The following MECOM variants were observed in gnomAD, a reference collection of about 807,000 sequenced individuals.
The protein encoded by MECOM is MDS1 and EVI1 complex locus, also known as histone-lysine N-methyltransferase MECOM.
In MECOM, 13 loss-of-function variants were observed where a neutral mutation model predicts 116.3. That is an observed-to-expected ratio of 0.11 (90% CI 0.07 to 0.18). The LOEUF (loss-of-function observed/expected upper bound fraction) is 0.18, where lower values mean the gene tolerates loss of function less well. MECOM is among the 10% of genes least tolerant of loss of function. The pLI is 1.00. For synonymous variants in MECOM, 528 were observed against 535.2 expected (o/e 0.99, Z 0.19); for missense variants, 1,299 against 1,509.0 (o/e 0.86, Z 2.31).
chr3:169,331,197 G>A (rs184124336), intron 2 of MECOM, among the ~76,000 whole-genome samples: 163 of 151,514 alleles, frequency 1.1e-3, no homozygotes, highest in Middle Eastern at 3.4e-3. Flanking sequence ...AGAAAACTGA[G>A]GCTTACAAAA....
At chr3:169,562,139 C>CAAAAAAAAAA (rs10714325) in intron 1 of MECOM, among the ~76,000 whole-genome samples, 3 of 25,290 alleles carry the variant, frequency 1.2e-4, no homozygotes, top group Admixed American at 6.3e-4. Context: ...GAGCAATACT[C>CAAAAAAAAAA]AAAAAAAAAA....
intron 1 of MECOM, among the ~76,000 whole-genome samples, chr3:169,585,406 TAA>T (rs770925572): frequency 3.4e-4 from 52 of 152,328 alleles, no homozygotes; most frequent in Non-Finnish European, 7.2e-4. Context: ...TCTATAAAAA[TAA>T]AAGTTTGTGG....
chr3:169,382,481 A>T (rs1252946088), intron 1 of MECOM, among the ~76,000 whole-genome samples: 1 of 151,986 alleles, frequency 6.6e-6, no homozygotes, highest in African/African-American at 2.4e-5. Flanking sequence ...AGACCTTAAG[A>T]CCTCTATGAA....
chr3:169,395,684 T>C (rs149044296), intron 1 of MECOM, among the ~76,000 whole-genome samples: 25 of 152,226 alleles, frequency 1.6e-4, no homozygotes, highest in African/African-American at 5.3e-4. Context: ...TCCATATTTA[T>C]GTCCTTTTCT....
chr3:169,540,899 A>C (rs1294247222), intron 1 of MECOM, among the ~76,000 whole-genome samples: 2 of 152,174 alleles, frequency 1.3e-5, no homozygotes, highest in Non-Finnish European at 2.9e-5. Flanking sequence ...AGAATTAGGC[A>C]CACTCCTTGG....
intron 1 of MECOM, among the ~76,000 whole-genome samples, chr3:169,473,860 G>A (rs564442810): frequency 6.6e-6 from 1 of 152,028 alleles, no homozygotes; most frequent in African/African-American, 2.4e-5. Flanking sequence ...AAAAGAGAAG[G>A]AAGAATAAAT....
At chr3:169,257,222 A>G (rs1416060319) in intron 2 of MECOM, among the ~76,000 whole-genome samples, 1 of 152,250 alleles carries the variant, frequency 6.6e-6, no homozygotes, top group Non-Finnish European at 1.5e-5. Flanking sequence ...AATATACATT[A>G]TAAGCACCAA....
At chr3:169,432,955 G>A (rs750950029) in intron 1 of MECOM, among the ~76,000 whole-genome samples, 2 of 152,116 alleles carry the variant, frequency 1.3e-5, no homozygotes, top group African/African-American at 4.8e-5. Context: ...ACTTCTCTGG[G>A]CAAAAAGCTC....
At chr3:169,225,823 T>C (rs899245928) in intron 2 of MECOM, among the ~76,000 whole-genome samples, 1 of 152,208 alleles carries the variant, frequency 6.6e-6, no homozygotes, top group Non-Finnish European at 1.5e-5. Context: ...TTGACCAGGC[T>C]GGTCTCGAAA....
intron 2 of MECOM, among the ~76,000 whole-genome samples, chr3:169,241,526 G>A (rs1216794994): frequency 6.6e-6 from 1 of 152,112 alleles, no homozygotes; most frequent in African/African-American, 2.4e-5. Flanking sequence ...AAGCTAGGGG[G>A]AAACATTCCT....
intron 1 of MECOM, among the ~76,000 whole-genome samples, chr3:169,602,494 G>A (rs535638078): frequency 3.9e-5 from 6 of 152,110 alleles, no homozygotes; most frequent in Non-Finnish European, 7.4e-5. Context: ...TGGCCCAGGC[G>A]ATTCTTTGTT....
rs535539553 is a variant in MECOM at position 169,557,780 on chromosome 3, A to G, written c.37+105556T>C. 1.6e-3 allele frequency among the ~76,000 whole-genome samples: 250 copies of G among 152,338 alleles called. 1 individual carries two copies. Among genetic ancestry groups the G allele is most frequent in the African/African-American group, 5.7e-3 (235 of 41,580 alleles). On this transcript the variant is annotated intron_variant, in intron 1 of 16. Transcript: ENST00000651503. Reference sequence around the variant, plus strand: ...AGGCAAGAAACACACTTTTTCTTCAACCTAGTTGGTTGGACCAAATGTTTA... The same window carrying G: ...AGGCAAGAAACACACTTTTTCTTCAGCCTAGTTGGTTGGACCAAATGTTTA...
intron 3 of MECOM, among the ~76,000 whole-genome samples, chr3:169,143,433 TCA>T (rs1738732015): frequency 6.6e-6 from 1 of 152,122 alleles, no homozygotes; most frequent in Non-Finnish European, 1.5e-5. Flanking sequence ...GTAATAATAC[TCA>T]GTTTTTAAAT....
chr3:169,250,300 C>T (rs926631874), intron 2 of MECOM, among the ~76,000 whole-genome samples: 6 of 152,106 alleles, frequency 3.9e-5, no homozygotes, highest in Non-Finnish European at 8.8e-5. Context: ...TTTTTTTGTT[C>T]GCATTGAACA....
intron 1 of MECOM, among the ~76,000 whole-genome samples, chr3:169,441,495 A>G (rs1162804695): frequency 2.6e-5 from 4 of 152,244 alleles, no homozygotes; most frequent in Middle Eastern, 3.4e-3. Context: ...ATCAAAAAAT[A>G]GAAAGACTAT....
intron 2 of MECOM, among the ~76,000 whole-genome samples, chr3:169,206,341 T>C (rs1022751195): frequency 1.3e-5 from 2 of 152,212 alleles, no homozygotes; most frequent in Non-Finnish European, 2.9e-5. Flanking sequence ...TCTTCTGAGA[T>C]CTAATGGAAC....
chr3:169,404,079 T>G (rs1736284143), intron 1 of MECOM, among the ~76,000 whole-genome samples: 2 of 152,162 alleles, frequency 1.3e-5, no homozygotes, highest in African/African-American at 2.4e-5. Flanking sequence ...CACAGAGGAC[T>G]CTCTGGCAGT....
At chr3:169,178,515 G>T (rs189477320) in intron 2 of MECOM, among the ~76,000 whole-genome samples, 1 of 152,112 alleles carries the variant, frequency 6.6e-6, no homozygotes, top group African/African-American at 2.4e-5. Flanking sequence ...TGAAGCTTGG[G>T]GAGGACAATG....
At chr3:169,465,591 C>T (rs556071752) in intron 1 of MECOM, among the ~76,000 whole-genome samples, 11 of 152,226 alleles carry the variant, frequency 7.2e-5, no homozygotes, top group African/African-American at 2.6e-4. Flanking sequence ...CTGTATGTGT[C>T]GACATCCATT....
Sources: allele counts gnomAD v4.1 joint callset (sites outside exome capture counted in the v4.1 genomes callset), GRCh38; gene constraint gnomAD v4.1.1; transcripts MANE v1.5; gene names NCBI Gene and HGNC (gene_info 2026-07-23, HGNC 2026-07-21).